The following ELF2 variants were observed in gnomAD, a reference collection of about 807,000 sequenced individuals.
ELF2 encodes the protein E74 like ETS transcription factor 2, also known as ETS-related transcription factor Elf-2.
Under a neutral mutation model 54.8 loss-of-function variants are expected in ELF2, and 11 were observed. That is an observed-to-expected ratio of 0.20 (90% confidence interval 0.13 to 0.33). ELF2 has a LOEUF of 0.33. Among genes scored for constraint, ELF2 ranks in the 10% least tolerant of loss-of-function variants. The pLI is 1.00. For missense variants in ELF2, 513 were observed against 703.0 expected (o/e 0.73, Z 3.06); for synonymous variants, 203 against 245.1 (o/e 0.83, Z 1.61).
At chr4:139,079,778 G>A (rs1345652054) in intron 4 of ELF2, among the ~76,000 whole-genome samples, 2 of 152,188 alleles carry the variant, frequency 1.3e-5, no homozygotes, top group Non-Finnish European at 2.9e-5. Context: ...CAGGAGTGGT[G>A]GCTCACGCCT....
chr4:139,114,468 C>T (rs530651910), intron 4 of ELF2, among the ~76,000 whole-genome samples: 3 of 151,684 alleles, frequency 2.0e-5, no homozygotes, highest in Middle Eastern at 3.4e-3. Context: ...ACTCAGGAGG[C>T]TGAGGCAGGA....
chr4:139,115,461 C>T, intron 4 of ELF2: 1 of 958,370 alleles, frequency 1.0e-6, no homozygotes, highest in Non-Finnish European at 1.2e-6. Context: ...GGTTAGCTCG[C>T]CGCGGCGAGG....
At position 139,125,335 on chromosome 4, in the gene ELF2, A is replaced by G; in HGVS notation, c.73-6T>C. ...TCAGAAACCTTTTCACTTTCCTATAAGAGCAAATTTAAAGAACAATCAACC... is the reference window on the plus strand; with the variant it reads ...TCAGAAACCTTTTCACTTTCCTATAGGAGCAAATTTAAAGAACAATCAACC... On this transcript the variant is annotated splice_polypyrimidine_tract_variant and splice_region_variant and intron_variant, in intron 3 of 9. Transcript: ENST00000686138. The G allele has an allele frequency of 6.2e-7, 1 of 1,601,578 alleles. No individual in the cohort carries two copies. The highest frequency in any genetic ancestry group is 8.5e-7 in the Non-Finnish European group (1 of 1,177,262).
chr4:139,154,233 G>A (rs1231789553), intron 1 of ELF2, among the ~76,000 whole-genome samples: 1 of 152,042 alleles, frequency 6.6e-6, no homozygotes, highest in Non-Finnish European at 1.5e-5. Flanking sequence ...TTTATGTTTT[G>A]GCTTTAATGC....
At chr4:139,125,605 T>C (rs909135299) in intron 3 of ELF2, among the ~76,000 whole-genome samples, 7 of 152,074 alleles carry the variant, frequency 4.6e-5, no homozygotes, top group African/African-American at 1.7e-4. Context: ...CACTTAATTA[T>C]GAAAGCTGAC....
At chr4:139,061,697 T>C (rs973581587) in intron 8 of ELF2, among the ~76,000 whole-genome samples, 168 bp downstream of exon 8, 5 of 152,208 alleles carry the variant, frequency 3.3e-5, no homozygotes, top group Admixed American at 3.3e-4. Context: ...TATAAGCACG[T>C]AGACCAAACT....
At chr4:139,073,611 A>G in intron 4 of ELF2, 44 bp from the exon 5 acceptor site, 1 of 1,133,850 alleles carries the variant, frequency 8.8e-7, no homozygotes, top group South Asian at 1.9e-5. Flanking sequence ...TACACTAAAC[A>G]CATGACTAAA....
chr4:139,111,153 T>C (rs1734908608), intron 4 of ELF2, among the ~76,000 whole-genome samples: 1 of 152,186 alleles, frequency 6.6e-6, no homozygotes, highest in Non-Finnish European at 1.5e-5. Context: ...ATTCTCTTTA[T>C]GGTATCTACT....
At chr4:139,139,007 AG>A (rs1738453132) in intron 2 of ELF2, among the ~76,000 whole-genome samples, 2 of 152,204 alleles carry the variant, frequency 1.3e-5, no homozygotes. Context: ...TTTCATACAG[AG>A]GAAGTACAGA....
intron 4 of ELF2, among the ~76,000 whole-genome samples, chr4:139,092,570 C>T (rs1344633094): frequency 6.6e-6 from 1 of 152,048 alleles, no homozygotes; most frequent in East Asian, 1.9e-4. Context: ...CCAGCCTGGG[C>T]AACGTGATGA....
In ELF2 at chr4:139,059,155, G is replaced by A. The variant is rs373722132; in HGVS notation, c.1610C>T (p.Ser537Leu). Residue 537 changes from serine (S) to leucine (L), a missense_variant, in exon 10 of 10, where the codon TCG (serine) becomes TTG (leucine). Coordinates refer to ENST00000686138, the MANE Select transcript of ELF2 (RefSeq NM_001331036.3). ...TTCTTGCTTTTTTGCCACTGCTTCCGATTTAACCTCTGGCCCCTTTATGAC... is the reference window on the plus strand; with the variant it reads ...TTCTTGCTTTTTTGCCACTGCTTCCAATTTAACCTCTGGCCCCTTTATGAC... ...SAVIKGPEVK[S>L]EAVAKKQEHD... 55 of 1,613,810 alleles carry A rather than the reference G, an allele frequency of 3.4e-5. No homozygotes were observed. The highest frequency in any genetic ancestry group is 3.3e-4 in the African/African-American group (25 of 74,906).
chr4:139,069,886 G>A (rs1430266803), intron 6 of ELF2, among the ~76,000 whole-genome samples: 3 of 150,586 alleles, frequency 2.0e-5, no homozygotes, highest in Non-Finnish European at 4.4e-5. Flanking sequence ...TCACTCTGTC[G>A]CCCAGGCTGG....
chr4:139,177,698 G>A (rs946644072), upstream of ELF2, among the ~76,000 whole-genome samples: 1 of 151,702 alleles, frequency 6.6e-6, no homozygotes, highest in East Asian at 2.0e-4. Context: ...GCGCCCGCCG[G>A]CTTTCCCCCG....
At chr4:139,087,550 C>T (rs1022853609) in intron 4 of ELF2, among the ~76,000 whole-genome samples, 1 of 152,194 alleles carries the variant, frequency 6.6e-6, no homozygotes, top group African/African-American at 2.4e-5. Flanking sequence ...ACTGCAAGCT[C>T]CGCCTCCCGG....
At chr4:139,080,937 A>G (rs1578731159) in intron 4 of ELF2, among the ~76,000 whole-genome samples, 1 of 150,156 alleles carries the variant, frequency 6.7e-6, no homozygotes, top group East Asian at 2.0e-4. Flanking sequence ...ACATGGTGTA[A>G]TATTAGAAAA....
intron 4 of ELF2, chr4:139,084,505 G>GC (rs1454533089): frequency 4.7e-6 from 4 of 850,728 alleles, no homozygotes; most frequent in Non-Finnish European, 5.8e-6. Context: ...CGATCCTTCC[G>GC]CCCCGCGCCC....
intron 7 of ELF2, chr4:139,066,685 G>C (rs576978073): frequency 6.6e-6 from 1 of 150,728 alleles, no homozygotes; most frequent in Non-Finnish European, 1.5e-5. Context: ...CTAGGAATTC[G>C]AGATCCGCCT....
intron 4 of ELF2, among the ~76,000 whole-genome samples, chr4:139,116,300 A>C (rs959407481): frequency 6.6e-6 from 1 of 151,932 alleles, no homozygotes. Context: ...TAATTGGGGG[A>C]AAAAAACACT....
Position 139,106,740 on chromosome 4 carries a change from CTT to C in ELF2, c.238+18422_238+18423del, listed in dbSNP as rs35312494. Among the ~76,000 whole-genome samples, 340 of 93,726 alleles carry C rather than the reference CTT, an allele frequency of 3.6e-3. 1 individual carries two copies. The highest frequency in any genetic ancestry group is 0.011 in the African/African-American group (256 of 23,798). 61.5% of individuals were successfully genotyped at this position (93,726 alleles called of 152,430 possible). On this transcript the variant is annotated intron_variant, in intron 4 of 9. Transcript: ENST00000686138. ...TTAAAATAGTTTGATAACTATATTT[CTT>C]TTTTTTTTTTTTTTTTTTGAGATAG...
Sources: gnomAD v4.1 joint callset for allele counts (sites outside exome capture counted in the v4.1 genomes callset) on GRCh38, gnomAD v4.1.1 for gene constraint, MANE v1.5 for transcripts, NCBI Gene and HGNC (gene_info 2026-07-23, HGNC 2026-07-21) for gene names.